Variants in IQCH observed in about 807,000 individuals in gnomAD.
The protein encoded by IQCH is IQ domain-containing protein H.
Under a neutral mutation model 117.0 loss-of-function variants are expected in IQCH, and 98 were observed. The ratio of observed to expected loss-of-function variants is 0.84; its 90% CI spans 0.71 to 0.99. The LOEUF (loss-of-function observed/expected upper bound fraction) is 0.99, where lower values mean the gene tolerates loss of function less well. IQCH is among the 50% of genes least tolerant of loss of function. The pLI, the probability that IQCH is intolerant of heterozygous loss-of-function variation, is 0.00. For synonymous variants in IQCH, 412 were observed against 448.2 expected, an observed-to-expected ratio of 0.92 and a Z score of 1.02; for missense variants, 1,102 against 1,243.8, an observed-to-expected ratio of 0.89 and a Z score of 1.72.
Position 67,372,671 on chromosome 15 carries a change from G to A in IQCH, c.1305+9G>A. ...TTCGCATTCGAGCCAAGGTGCACAA[G>A]GCTGCCAGCTGTTAAGGCAGACCTC... is the stretch of plus-strand genomic sequence containing the variant. On this transcript the variant is annotated intron_variant, in intron 9 of 20. Transcript: ENST00000335894. 6.3e-7 allele frequency: 1 copy of A among 1,589,578 alleles called. No individual in the cohort carries two copies. The highest frequency in any genetic ancestry group is 1.1e-5 in the South Asian group (1 of 87,150).
chr15:67,377,432 T>C (rs1970778073), intron 10 of IQCH, among the ~76,000 whole-genome samples: 1 of 152,174 alleles, frequency 6.6e-6, no homozygotes, highest in South Asian at 2.1e-4. Flanking sequence ...GGGTCTATTT[T>C]AAGCAAAATC....
At chr15:67,287,060 A>G (rs1295759999) in intron 4 of IQCH, among the ~76,000 whole-genome samples, 2 of 152,210 alleles carry the variant, frequency 1.3e-5, no homozygotes, top group African/African-American at 4.8e-5. Flanking sequence ...TTCTGTTGAT[A>G]TGATGTATCA....
chr15:67,326,456 A>T (rs928756226), intron 4 of IQCH, among the ~76,000 whole-genome samples: 1 of 152,200 alleles, frequency 6.6e-6, no homozygotes, highest in African/African-American at 2.4e-5. Flanking sequence ...TAGCAGCATG[A>T]TTTATAATCC....
At chr15:67,297,907 G>A (rs1966866028) in intron 4 of IQCH, among the ~76,000 whole-genome samples, 1 of 152,008 alleles carries the variant, frequency 6.6e-6, no homozygotes, top group African/African-American at 2.4e-5. Flanking sequence ...CCCACAGAAT[G>A]GGAGAAAATA....
At chr15:67,400,048 GT>G in intron 13 of IQCH, 65 bp from the exon 14 acceptor site, 1 of 1,310,130 alleles carries the variant, frequency 7.6e-7, no homozygotes. Flanking sequence ...CAACTAAGTT[GT>G]TACGATAAAA....
At position 67,384,570 on chromosome 15, in the gene IQCH, T is replaced by C. The variant is rs72745484; in HGVS notation, c.1373-366T>C. ...CAAAATACCACATAAGAAGCTCACA[T>C]TAAGAAGCCAAAACGATATTTTTTT... On this transcript the variant is annotated intron_variant, in intron 10 of 20. Transcript: ENST00000335894. This position sits in a 1 kb window ranked among gnomAD's most constrained non-coding sequence, Gnocchi z 4.3. Among the ~76,000 whole-genome samples, 2 of 152,196 alleles carry C rather than the reference T, an allele frequency of 1.3e-5. No individual in the cohort carries two copies. The highest frequency in any genetic ancestry group is 2.9e-5 in the Non-Finnish European group (2 of 68,024).
chr15:67,495,493 C>A (rs2083780540), intron 20 of IQCH, among the ~76,000 whole-genome samples: 1 of 152,218 alleles, frequency 6.6e-6, no homozygotes, highest in Non-Finnish European at 1.5e-5. Context: ...AGCCACCTTG[C>A]CCAGCCTATC....
intron 10 of IQCH, chr15:67,373,792 T>TA (rs1319548191): frequency 5.8e-6 from 2 of 344,718 alleles, no homozygotes; most frequent in African/African-American, 2.2e-5. Context: ...TTGTTGCTGT[T>TA]ACGCCAATAA....
At position 67,388,734 on chromosome 15, in the gene IQCH, C is replaced by A; in HGVS notation, c.1457-97C>A. On this transcript the variant is annotated intron_variant, in intron 11 of 20. Transcript: ENST00000335894. The surrounding 1 kb of genome is among the most constrained non-coding windows in gnomAD (Gnocchi z 5.5). Reference sequence around the variant, plus strand: ...AACCTTAACCTGGGTTTTGGATATGCTCTTTATTTTAAACTGCACAACACC... The same window carrying A: ...AACCTTAACCTGGGTTTTGGATATGATCTTTATTTTAAACTGCACAACACC... 9.5e-7 allele frequency: 1 copy of A among 1,050,328 alleles called. No individual in the cohort carries two copies. Among genetic ancestry groups the A allele is most frequent in the Non-Finnish European group, 1.4e-6 (1 of 712,388 alleles). The allele number at this position is 1,050,328 out of a possible 1,614,324, so 65.1% of individuals were successfully genotyped here.
chr15:67,278,140 A>G (rs1328164602), intron 3 of IQCH, among the ~76,000 whole-genome samples: 2 of 152,198 alleles, frequency 1.3e-5, no homozygotes, highest in East Asian at 1.9e-4. Context: ...GCCCTTCTCC[A>G]GCTCAGATAA....
At chr15:67,260,092 C>T (rs1965396669) in intron 1 of IQCH, among the ~76,000 whole-genome samples, 1 of 152,224 alleles carries the variant, frequency 6.6e-6, no homozygotes, top group Non-Finnish European at 1.5e-5. Flanking sequence ...GTAACTTCTT[C>T]AAAATGCCTT....
At chr15:67,347,712 T>C (rs1015552295) in intron 6 of IQCH, among the ~76,000 whole-genome samples, 12 of 150,584 alleles carry the variant, frequency 8.0e-5, no homozygotes, top group Admixed American at 3.3e-4. Flanking sequence ...CCAAAGACTT[T>C]AGAAAAAAAC....
chr15:67,457,759 G>A lies in IQCH; in HGVS notation c.2506-7368G>A, dbSNP rs1013541573. 6.6e-6 allele frequency among the ~76,000 whole-genome samples: 1 copy of A among 152,136 alleles called. No individual in the cohort carries two copies. The highest frequency in any genetic ancestry group is 1.5e-5 in the Non-Finnish European group (1 of 68,020). On this transcript the variant is annotated intron_variant, in intron 16 of 20. Coordinates refer to ENST00000335894, the MANE Select transcript of IQCH (RefSeq NM_001031715.3). This position sits in a 1 kb window ranked among gnomAD's most constrained non-coding sequence, Gnocchi z 5.7. ...AGACCACAAGGCCAGCACTCCCAGC[G>A]AGGTCCTGTGACTCTGGTCCAGGGC...
chr15:67,421,643 A>G (rs1452413337), intron 16 of IQCH, 66 bp downstream of exon 16: 1 of 1,498,910 alleles, frequency 6.7e-7, no homozygotes, highest in East Asian at 2.3e-5. Flanking sequence ...ACACACCTAC[A>G]GTACAACAGG....
chr15:67,267,288 A>G (rs1263021458), intron 3 of IQCH, among the ~76,000 whole-genome samples: 1 of 152,172 alleles, frequency 6.6e-6, no homozygotes, highest in Non-Finnish European at 1.5e-5. Flanking sequence ...TTGAGAGACA[A>G]CAGGTCTAGA....
intron 18 of IQCH, among the ~76,000 whole-genome samples, chr15:67,488,996 AT>A (rs1363842356): frequency 6.6e-6 from 1 of 150,750 alleles, no homozygotes; most frequent in African/African-American, 2.4e-5. Context: ...AGTACAAATT[AT>A]TTTCCACATA....
intron 18 of IQCH, among the ~76,000 whole-genome samples, chr15:67,480,531 C>G (rs2083314498): frequency 6.6e-6 from 1 of 152,164 alleles, no homozygotes; most frequent in Non-Finnish European, 1.5e-5. Flanking sequence ...TTGTTAGAAA[C>G]AACCAGTAAT....
At chr15:67,257,462 A>C (rs7176337) in intron 1 of IQCH, among the ~76,000 whole-genome samples, 101,528 of 152,098 alleles carry the variant, frequency 0.67, 34,647 homozygotes, top group Middle Eastern at 0.83. Flanking sequence ...AGTGGTTCTC[A>C]AAGGTGTTGT....
At chr15:67,371,932 G>A (rs951230115) in intron 8 of IQCH, among the ~76,000 whole-genome samples, 179 bp from the exon 9 acceptor site, 4 of 152,122 alleles carry the variant, frequency 2.6e-5, no homozygotes, top group African/African-American at 9.7e-5. Flanking sequence ...CTGGTAATGA[G>A]TTTTAATGAT....
Sources: allele counts gnomAD v4.1 joint callset (sites outside exome capture counted in the v4.1 genomes callset), GRCh38; gene constraint gnomAD v4.1.1; non-coding constraint Gnocchi (gnomAD v3.1); transcripts MANE v1.5; gene names NCBI Gene and HGNC (gene_info 2026-07-23, HGNC 2026-07-21).